TMEM213: variants seen among roughly 807,000 people sequenced by gnomAD.
The protein encoded by TMEM213 is transmembrane protein 213.
TMEM213 carries 7 observed loss-of-function variants against 11.6 expected under a neutral mutation model. The ratio of observed to expected loss-of-function variants is 0.60; its 90% confidence interval spans 0.34 to 1.13. TMEM213 has a LOEUF of 1.13. Among genes scored for constraint, TMEM213 ranks in the 50% most tolerant of loss-of-function variants. The pLI is 0.03. For missense variants in TMEM213, 129 were observed against 139.0 expected, an observed-to-expected ratio of 0.93 and a Z score of 0.36; for synonymous variants, 60 against 58.3, an observed-to-expected ratio of 1.03 and a Z score of -0.13.
chr7:138,800,592 G>A (rs1006708147), intron 1 of TMEM213, among the ~76,000 whole-genome samples: 5 of 152,048 alleles, frequency 3.3e-5, no homozygotes, highest in Non-Finnish European at 5.9e-5. Context: ...GATTTCTCCT[G>A]AGGCCTCCCT....
rs1331659197 is a variant in TMEM213 at position 138,804,428 on chromosome 7, A to G, written c.*1359A>G. 1 of 152,294 alleles carries G rather than the reference A, an allele frequency of 6.6e-6. No homozygotes were observed. The highest frequency in any genetic ancestry group is 2.4e-5 in the African/African-American group (1 of 41,438). The allele number at this position is 152,294 out of a possible 1,614,324, so 9.4% of individuals were successfully genotyped here. On this transcript the variant is annotated 3_prime_UTR_variant, in exon 3 of 3. Transcript: ENST00000442682. The stretch of plus-strand genomic sequence containing the variant: ...CCTCCAGAATCAAGGATATTCCTCC[A>G]AGCCCAGCTCGAATGCTTGATCTGC...
intron 1 of TMEM213, among the ~76,000 whole-genome samples, 193 bp from the exon 2 acceptor site, chr7:138,801,134 C>T (rs67180621): frequency 0.11 from 16,463 of 152,206 alleles, 929 homozygotes; most frequent in Non-Finnish European, 0.13. Context: ...ATATATGAAA[C>T]TTGGGAGAGG....
intron 1 of TMEM213, among the ~76,000 whole-genome samples, chr7:138,800,969 G>A (rs1808923398): frequency 6.6e-6 from 1 of 152,046 alleles, no homozygotes; most frequent in Non-Finnish European, 1.5e-5. Context: ...AAAATGCTGG[G>A]ATTACAGGTG....
In TMEM213 at chr7:138,804,810, T is replaced by C. The variant is rs1809049711; in HGVS notation, c.*1741T>C. On this transcript the variant is annotated 3_prime_UTR_variant, in exon 3 of 3. Transcript: ENST00000442682. ...TAGCATGGAGAGTGGACGTTGCACA[T>C]CACTGTGAAACCTTGCAGAGGAGGA... The C allele has an allele frequency of 6.6e-6, 1 of 152,108 alleles. No homozygotes were observed. Among genetic ancestry groups the C allele is most frequent in the Non-Finnish European group, 1.5e-5 (1 of 68,026 alleles). The allele number at this position is 152,108 out of a possible 1,614,324, so 9.4% of individuals were successfully genotyped here. A position where few individuals can be genotyped will look rare whatever the true frequency, so the allele number is the denominator to read the frequency against.
At chr7:138,798,847 A>G (rs1808825310) in intron 1 of TMEM213, among the ~76,000 whole-genome samples, 1 of 152,078 alleles carries the variant, frequency 6.6e-6, no homozygotes, top group South Asian at 2.1e-4. Flanking sequence ...CTTGGTTACC[A>G]TCTTCTGCTC....
In TMEM213 at chr7:138,803,087, C is replaced by T; in HGVS notation, c.*18C>T. 6.2e-7 allele frequency: 1 copy of T among 1,609,436 alleles called. No homozygotes were observed. Among genetic ancestry groups the T allele is most frequent in the Non-Finnish European group, 8.5e-7 (1 of 1,178,746 alleles). ...AAGCGTGAGACCCAGGCTCGGTGCACAAAATGGTGATCGCCACCAATTTGT... is the reference window on the plus strand; with the variant it reads ...AAGCGTGAGACCCAGGCTCGGTGCATAAAATGGTGATCGCCACCAATTTGT... On this transcript the variant is annotated 3_prime_UTR_variant, in exon 3 of 3. Transcript: ENST00000442682.
Position 138,802,917 on chromosome 7 carries a change from C to G in TMEM213, c.172C>G (p.Gln58Glu). 1 of 1,582,812 alleles carries G rather than the reference C, an allele frequency of 6.3e-7. No homozygotes were observed. Among genetic ancestry groups the G allele is most frequent in the Non-Finnish European group, 8.6e-7 (1 of 1,167,044 alleles). The change falls in exon 3 of 3, where the codon CAA becomes GAA. Residue 58 changes from glutamine (Q) to glutamate (E), a missense_variant. Coordinates refer to ENST00000442682, the MANE Select transcript of TMEM213 (RefSeq NM_001085429.2). ...EQCLNVDFCP[Q>E]AARCCRTGVD... ...CCCACCAGACGTGGACTTCTGCCCA[C>G]AAGCAGCCCGGTGCTGCCGCACAGG...
In TMEM213 at chr7:138,806,189, C is replaced by T. The variant is rs1227867763; in HGVS notation, c.*3120C>T. On this transcript the variant is annotated 3_prime_UTR_variant, in exon 3 of 3. Coordinates refer to ENST00000442682, the MANE Select transcript of TMEM213 (RefSeq NM_001085429.2). ...AGAAAATTTTTTGATTACAGCAGAC[C>T]AGATCTTTATCTGTCAATAAGTTAA... is the stretch of plus-strand genomic sequence containing the variant. The T allele has an allele frequency of 6.6e-6, 1 of 152,052 alleles. No individual in the cohort carries two copies. Among genetic ancestry groups the T allele is most frequent in the Non-Finnish European group, 1.5e-5 (1 of 68,028 alleles). The allele number at this position is 152,052 out of a possible 1,614,324, so 9.4% of individuals were successfully genotyped here. A position where few individuals can be genotyped will look rare whatever the true frequency, so the allele number is the denominator to read the frequency against.
Position 138,798,196 on chromosome 7 carries a change from T to G in TMEM213, c.82+10T>G. The G allele has an allele frequency of 6.3e-7, 1 of 1,582,250 alleles. No homozygotes were observed. Among genetic ancestry groups the G allele is most frequent in the Non-Finnish European group, 8.6e-7 (1 of 1,164,576 alleles). ...TCGGCTTGCTCGGCAGGTAGCGTTA[T>G]GAGCTTTATTCATGGCCAGGCTGGG... On this transcript the variant is annotated intron_variant, in intron 1 of 2. Coordinates refer to ENST00000442682, the MANE Select transcript of TMEM213 (RefSeq NM_001085429.2).
Position 138,798,150 on chromosome 7 carries a change from C to T in TMEM213, c.46C>T (p.Leu16=), listed in dbSNP as rs776172197. ...AATRATLILS[L]AFASLHSACS... ...CACCCGGGCCACCCTGATCCTCAGC[C>T]TGGCCTTTGCCTCCCTCCACTCGGC... Residue 16 remains leucine (L), a synonymous_variant, in exon 1 of 3, where the codon CTG becomes TTG. Transcript: ENST00000442682. The T allele has an allele frequency of 1.9e-6, 3 of 1,601,058 alleles. No individual in the cohort carries two copies. The highest frequency in any genetic ancestry group is 2.3e-5 in the South Asian group (2 of 88,318).
rs542775184 is a variant in TMEM213 at position 138,805,007 on chromosome 7, A to C, written c.*1938A>C. 14 of 152,332 alleles carry C rather than the reference A, an allele frequency of 9.2e-5. No individual in the cohort carries two copies. The highest frequency in any genetic ancestry group is 3.4e-4 in the African/African-American group (14 of 41,572). The allele number at this position is 152,332 out of a possible 1,614,324, so 9.4% of individuals were successfully genotyped here. A position where few individuals can be genotyped will look rare whatever the true frequency, so the allele number is the denominator to read the frequency against. ...ATCTCTTGAAGAGGCAAATGACTCA[A>C]AACTGCTCAGTGGCTCTTTCAGAAA... On this transcript the variant is annotated 3_prime_UTR_variant, in exon 3 of 3. Transcript: ENST00000442682.
Position 138,802,996 on chromosome 7 carries a change from T to A in TMEM213, c.251T>A (p.Leu84His). ...AAAVGWSLWFLTLILLCVDKL... is the reference protein window; with the variant it reads ...AAAVGWSLWFHTLILLCVDKL... ...GCTGTTGGCTGGAGCCTCTGGTTCC[T>A]CACCCTCATCCTGCTCTGTGTGGAC... Residue 84 changes from leucine to histidine, a missense_variant, in exon 3 of 3, where the codon CTC (leucine) becomes CAC (histidine). Coordinates refer to ENST00000442682, the MANE Select transcript of TMEM213 (RefSeq NM_001085429.2). 6.2e-7 allele frequency: 1 copy of A among 1,613,712 alleles called. No homozygotes were observed. Among genetic ancestry groups the A allele is most frequent in the Non-Finnish European group, 8.5e-7 (1 of 1,179,862 alleles).
chr7:138,798,380 T>C (rs1357007309), intron 1 of TMEM213, 194 bp downstream of exon 1: 6 of 562,324 alleles, frequency 1.1e-5, no homozygotes, highest in African/African-American at 1.9e-5. Flanking sequence ...GCAGGGGGGG[T>C]CTTAGGTTGG....
At chr7:138,802,585 G>A (rs115838946) in intron 2 of TMEM213, among the ~76,000 whole-genome samples, 16,143 of 150,830 alleles carry the variant, frequency 0.11, 918 homozygotes, top group Non-Finnish European at 0.13. Flanking sequence ...GGGGTATTAG[G>A]GAATAATACA....
Position 138,802,978 on chromosome 7 carries a change from G to A in TMEM213, c.233G>A (p.Gly78Asp). Residue 78 changes from glycine (G) to aspartate (D), a missense_variant, in exon 3 of 3, where the codon GGC becomes GAC. By Grantham distance (94) the Gly-to-Asp change is moderately conservative. Transcript: ENST00000442682. ...DEYGWIAAAV[G>D]WSLWFLTLIL... ...TACGGCTGGATCGCGGCAGCTGTTGGCTGGAGCCTCTGGTTCCTCACCCTC... is the reference window on the plus strand; with the variant it reads ...TACGGCTGGATCGCGGCAGCTGTTGACTGGAGCCTCTGGTTCCTCACCCTC... 1 of 1,613,448 alleles carries A rather than the reference G, an allele frequency of 6.2e-7. No homozygotes were observed. Among genetic ancestry groups the A allele is most frequent in the Non-Finnish European group, 8.5e-7 (1 of 1,179,804 alleles).
At chr7:138,801,472 CT>C in intron 2 of TMEM213, 74 bp downstream of exon 2, 1 of 1,408,462 alleles carries the variant, frequency 7.1e-7, no homozygotes, top group Non-Finnish European at 9.8e-7. Flanking sequence ...GGCCTCCCCG[CT>C]TTCCGTTGAT....
Position 138,802,846 on chromosome 7 carries a change from C to T in TMEM213, c.155-54C>T, listed in dbSNP as rs183720928. On this transcript the variant is annotated intron_variant, in intron 2 of 2. Coordinates refer to ENST00000442682, the MANE Select transcript of TMEM213 (RefSeq NM_001085429.2). ...TCTGTTAATATTAATGGTAGAGAAG[C>T]CTGGGCAGGGCTGGTGGTGCATGCC... The T allele has an allele frequency of 3.4e-3, 5,038 of 1,500,538 alleles. 26 individuals are homozygous for T. The highest frequency in any genetic ancestry group is 4.8e-3 in the South Asian group (359 of 74,330). The allele number at this position is 1,500,538 out of a possible 1,614,324, so 93.0% of individuals were successfully genotyped here. A position where few individuals can be genotyped will look rare whatever the true frequency, so the allele number is the denominator to read the frequency against.
Position 138,803,039 on chromosome 7 carries a change from T to C in TMEM213, c.294T>C (p.Thr98=). The stretch of plus-strand genomic sequence containing the variant: ...GTGTGGACAAACTGATGAAGCTGAC[T>C]CCAGATGAGCCCAAGGACTTGCAAG... ...LLCVDKLMKL[T]PDEPKDLQA Residue 98 remains threonine, a synonymous_variant, in exon 3 of 3, where the codon ACT becomes ACC. Coordinates refer to ENST00000442682, the MANE Select transcript of TMEM213 (RefSeq NM_001085429.2). 6.2e-7 allele frequency: 1 copy of C among 1,613,716 alleles called. No individual in the cohort carries two copies. Among genetic ancestry groups the C allele is most frequent in the South Asian group, 1.1e-5 (1 of 91,054 alleles).
At chr7:138,801,272 T>C (rs1808935080) in intron 1 of TMEM213, 55 bp from the exon 2 acceptor site, 1 of 1,478,016 alleles carries the variant, frequency 6.8e-7, no homozygotes, top group African/African-American at 1.4e-5. Context: ...TCAAAATCTA[T>C]GCCTGGGAAT....
Sources: gnomAD v4.1 joint callset for allele counts (sites outside exome capture counted in the v4.1 genomes callset) on GRCh38, gnomAD v4.1.1 for gene constraint, MANE v1.5 for transcripts, NCBI Gene and HGNC (gene_info 2026-07-23, HGNC 2026-07-21) for gene names.